KCNAB1: variants seen among roughly 807,000 people sequenced by gnomAD.
KCNAB1 encodes the protein voltage-gated potassium channel subunit beta-1.
In KCNAB1, 35 loss-of-function variants were observed where a neutral mutation model predicts 64.6. That is an observed-to-expected ratio of 0.54 (90% CI 0.41 to 0.72). The LOEUF (loss-of-function observed/expected upper bound fraction) is 0.72. Ranked by LOEUF, KCNAB1 falls within the 30% of genes least tolerant of loss-of-function variation. The pLI is 0.00. For missense variants in KCNAB1, 401 were observed against 512.9 expected (o/e 0.78, Z 2.11); for synonymous variants, 177 against 183.8 (o/e 0.96, Z 0.30).
chr3:156,120,028 C>A (rs1242932077), upstream of KCNAB1, among the ~76,000 whole-genome samples: 1 of 151,996 alleles, frequency 6.6e-6, no homozygotes, highest in African/African-American at 2.4e-5. Flanking sequence ...TGAAAGAGTG[C>A]CTGACATACG....
At chr3:156,290,842 C>T (rs907739353) in intron 1 of KCNAB1, 1 of 476,924 alleles carries the variant, frequency 2.1e-6, no homozygotes. Flanking sequence ...GAGTTGATTC[C>T]AAAAAGTCTG....
At chr3:156,255,625 C>G in intron 1 of KCNAB1, among the ~76,000 whole-genome samples, 1 of 152,184 alleles carries the variant, frequency 6.6e-6, no homozygotes, top group East Asian at 1.9e-4. Flanking sequence ...GTATCCATGT[C>G]TCTGTTCATG....
intron 1 of KCNAB1, among the ~76,000 whole-genome samples, chr3:156,258,793 C>T (rs1372502341): frequency 6.6e-6 from 1 of 152,188 alleles, no homozygotes; most frequent in Non-Finnish European, 1.5e-5. Flanking sequence ...TGCTCTCTCT[C>T]CCCTTCCCCC....
intron 2 of KCNAB1, among the ~76,000 whole-genome samples, chr3:156,427,927 G>C (rs1324657564): frequency 1.3e-5 from 2 of 152,266 alleles, no homozygotes; most frequent in African/African-American, 4.8e-5. Flanking sequence ...CATTCCATGG[G>C]AGGTAACACA....
intron 1 of KCNAB1, among the ~76,000 whole-genome samples, chr3:156,416,529 C>T (rs1049157606): frequency 1.3e-5 from 2 of 152,192 alleles, no homozygotes; most frequent in South Asian, 2.1e-4. Context: ...CTTTTCCTAA[C>T]CACGCATATT....
chr3:156,213,612 G>A (rs1715148430), intron 1 of KCNAB1, among the ~76,000 whole-genome samples: 1 of 152,168 alleles, frequency 6.6e-6, no homozygotes, highest in Admixed American at 6.5e-5. Flanking sequence ...GAAAATGAGT[G>A]ATGCTCTGCT....
At chr3:156,256,847 G>A (rs1718126797) in intron 1 of KCNAB1, among the ~76,000 whole-genome samples, 1 of 152,216 alleles carries the variant, frequency 6.6e-6, no homozygotes, top group South Asian at 2.1e-4. Flanking sequence ...TTGGAGGAAG[G>A]TAGGGAGGGA....
chr3:156,143,908 T>C (rs1413780108), intron 1 of KCNAB1, among the ~76,000 whole-genome samples: 1 of 115,686 alleles, frequency 8.6e-6, no homozygotes, highest in Admixed American at 7.6e-5. Flanking sequence ...GCACTTTATT[T>C]ATTTATTTAT....
chr3:156,351,727 G>A (rs781682338), intron 1 of KCNAB1, among the ~76,000 whole-genome samples: 10 of 152,182 alleles, frequency 6.6e-5, no homozygotes, highest in Non-Finnish European at 1.5e-4. Flanking sequence ...GCTGAGCTGT[G>A]CATTCTTTAC....
At chr3:156,343,452 T>G (rs570134838) in intron 1 of KCNAB1, among the ~76,000 whole-genome samples, 2 of 152,298 alleles carry the variant, frequency 1.3e-5, no homozygotes, top group Non-Finnish European at 2.9e-5. Context: ...TGAAGTATAC[T>G]CAGAGACCTG....
At chr3:156,208,911 C>T (rs73162757) in intron 1 of KCNAB1, among the ~76,000 whole-genome samples, 6 of 152,262 alleles carry the variant, frequency 3.9e-5, no homozygotes, top group Middle Eastern at 3.4e-3. Flanking sequence ...ATAGTTATTT[C>T]AGGTGTATAG....
intron 1 of KCNAB1, among the ~76,000 whole-genome samples, chr3:156,406,375 G>A (rs989986791): frequency 2.0e-5 from 3 of 152,098 alleles, no homozygotes; most frequent in Non-Finnish European, 4.4e-5. Flanking sequence ...CAAGAAGCAC[G>A]CAAGCTTGTG....
intron 1 of KCNAB1, among the ~76,000 whole-genome samples, chr3:156,350,614 TGACAA>T (rs1724794703): frequency 6.6e-6 from 1 of 152,206 alleles, no homozygotes; most frequent in South Asian, 2.1e-4. Context: ...GTGTTTTACT[TGACAA>T]GAGAGGTCAA....
intron 1 of KCNAB1, among the ~76,000 whole-genome samples, chr3:156,342,610 T>TTTCA (rs1724214039): frequency 1.5e-5 from 1 of 68,284 alleles, no homozygotes; most frequent in African/African-American, 1.1e-4. Context: ...TTTTTTTTAA[T>TTTCA]TTTTTTTTTT....
At chr3:156,331,544 C>T in intron 1 of KCNAB1, among the ~76,000 whole-genome samples, 1 of 152,042 alleles carries the variant, frequency 6.6e-6, no homozygotes, top group East Asian at 1.9e-4. Context: ...CATATAGACA[C>T]ATACATAATT....
At chr3:156,507,848 C>T (rs1302718345) in intron 8 of KCNAB1, among the ~76,000 whole-genome samples, 1 of 152,032 alleles carries the variant, frequency 6.6e-6, no homozygotes, top group African/African-American at 2.4e-5. Flanking sequence ...CTGATATCAG[C>T]TGGGTTGAAC....
At chr3:156,431,840 T>C (rs532354596) in intron 2 of KCNAB1, among the ~76,000 whole-genome samples, 13 of 152,330 alleles carry the variant, frequency 8.5e-5, no homozygotes, top group African/African-American at 2.9e-4. Flanking sequence ...GCAGGTTTGT[T>C]CTATTCTCAA....
At chr3:156,514,105 T>C (rs1717398839) in intron 8 of KCNAB1, among the ~76,000 whole-genome samples, 1 of 152,200 alleles carries the variant, frequency 6.6e-6, no homozygotes, top group Non-Finnish European at 1.5e-5. Context: ...GAACTTAAAA[T>C]GGTCATTATA....
At position 156,467,341 on chromosome 3, in the gene KCNAB1, G is replaced by T. The variant is rs112295354; in HGVS notation, c.571+1655G>T. Among the ~76,000 whole-genome samples the T allele has an allele frequency of 3.2e-3, 488 of 152,104 alleles. 2 individuals carry two copies. The highest frequency in any genetic ancestry group is 0.011 in the African/African-American group (452 of 41,510). ...TATCTGTATTTCAAAAAAAATCCAA[G>T]AATTTTGTAACTTTGGATTCATGAT... is the stretch of plus-strand genomic sequence containing the variant. On this transcript the variant is annotated intron_variant, in intron 7 of 13. Coordinates refer to ENST00000490337, the MANE Select transcript of KCNAB1 (RefSeq NM_172160.3).
Sources: gnomAD v4.1 joint callset for allele counts (sites outside exome capture counted in the v4.1 genomes callset) on GRCh38, gnomAD v4.1.1 for gene constraint, MANE v1.5 for transcripts, NCBI Gene and HGNC (gene_info 2026-07-23, HGNC 2026-07-21) for gene names.